Variants in SORCS3 observed in about 807,000 individuals in gnomAD.
SORCS3 encodes VPS10 domain-containing receptor SorCS3.
In SORCS3, 57 loss-of-function variants were observed where a neutral mutation model predicts 146.3. The ratio of observed to expected loss-of-function variants is 0.39; its 90% CI spans 0.31 to 0.49. The LOEUF (loss-of-function observed/expected upper bound fraction) is 0.49, where lower values mean the gene tolerates loss of function less well. Ranked by LOEUF, SORCS3 falls within the 20% of genes least tolerant of loss-of-function variation. The probability of loss-of-function intolerance (pLI) is 0.92; values close to 1 mark genes in which losing one functional copy is unlikely to be tolerated. For synonymous variants in SORCS3, 653 were observed against 618.5 expected, an observed-to-expected ratio of 1.06 and a Z score of -0.83; for missense variants, 1,341 against 1,575.5, an observed-to-expected ratio of 0.85 and a Z score of 2.52.
intron 19 of SORCS3, among the ~76,000 whole-genome samples, chr10:105,217,341 C>G (rs533743267): frequency 1.3e-5 from 2 of 152,150 alleles, no homozygotes; most frequent in Non-Finnish European, 2.9e-5. Context: ...CCACCTGGGC[C>G]GTCCTTTTCA....
intron 5 of SORCS3, among the ~76,000 whole-genome samples, chr10:105,076,096 G>A (rs3948019): frequency 0.022 from 3,278 of 152,224 alleles, 58 homozygotes; most frequent in Middle Eastern, 0.048. Flanking sequence ...ATGTGTTCTT[G>A]CATCATTTCA....
At chr10:104,693,035 G>A (rs1020831544) in intron 1 of SORCS3, among the ~76,000 whole-genome samples, 1 of 152,210 alleles carries the variant, frequency 6.6e-6, no homozygotes, top group African/African-American at 2.4e-5. Flanking sequence ...GTCTACCCCA[G>A]GGGCATTCCT....
intron 3 of SORCS3, among the ~76,000 whole-genome samples, chr10:104,975,089 G>A (rs2054886990): frequency 6.6e-6 from 1 of 152,036 alleles, no homozygotes; most frequent in Non-Finnish European, 1.5e-5. Context: ...GAAATAAAGG[G>A]TATTCAATTA....
chr10:105,251,264 C>T (rs1189450686), intron 22 of SORCS3, among the ~76,000 whole-genome samples: 1 of 152,134 alleles, frequency 6.6e-6, no homozygotes. Context: ...GGAAAGGCCC[C>T]TTATAAAACC....
In SORCS3 at chr10:104,934,983, T is replaced by C. The variant is rs542276299; in HGVS notation, c.795+19051T>C. 7.6e-4 allele frequency among the ~76,000 whole-genome samples: 115 copies of C among 152,274 alleles called. 1 individual carries two copies. Among genetic ancestry groups the C allele is most frequent in the African/African-American group, 2.7e-3 (113 of 41,560 alleles). On this transcript the variant is annotated intron_variant, in intron 3 of 26. Coordinates refer to ENST00000369701, the MANE Select transcript of SORCS3 (RefSeq NM_014978.3). ...AGCAGCAGAACATTCAGTTGGTCCATGAGTGTTTTCTAAATGTCAGTGGGG... is the reference window on the plus strand; with the variant it reads ...AGCAGCAGAACATTCAGTTGGTCCACGAGTGTTTTCTAAATGTCAGTGGGG...
chr10:104,757,745 A>G (rs1217967151), intron 1 of SORCS3, among the ~76,000 whole-genome samples: 1 of 151,204 alleles, frequency 6.6e-6, no homozygotes, highest in Non-Finnish European at 1.5e-5. Flanking sequence ...TTCTGAAGAG[A>G]TTTCTGTTCT....
At chr10:104,932,407 G>T (rs1166286714) in intron 3 of SORCS3, among the ~76,000 whole-genome samples, 4 of 152,244 alleles carry the variant, frequency 2.6e-5, no homozygotes, top group African/African-American at 9.6e-5. Context: ...TGGAAGTGAG[G>T]GAGAAAGAAG....
At chr10:104,993,502 GA>G (rs2055006497) in intron 4 of SORCS3, among the ~76,000 whole-genome samples, 2 of 152,192 alleles carry the variant, frequency 1.3e-5, no homozygotes, top group African/African-American at 4.8e-5. Flanking sequence ...GCTAGGGAAT[GA>G]ATGAGGGGAA....
At chr10:105,196,925 C>T (rs1293803742) in intron 14 of SORCS3, among the ~76,000 whole-genome samples, 1 of 152,162 alleles carries the variant, frequency 6.6e-6, no homozygotes, top group Non-Finnish European at 1.5e-5. Context: ...GGCCTCTACT[C>T]CCCTGGGGCT....
chr10:104,859,259 T>C (rs895629503), intron 2 of SORCS3, among the ~76,000 whole-genome samples: 2 of 152,128 alleles, frequency 1.3e-5, no homozygotes, highest in Admixed American at 6.5e-5. Flanking sequence ...TCAGAAATAA[T>C]GCCGCATATC....
Position 105,101,289 on chromosome 10 carries a change from A to G in SORCS3, c.1094-4108A>G, listed in dbSNP as rs527881360. 3.6e-4 allele frequency among the ~76,000 whole-genome samples: 55 copies of G among 152,052 alleles called. 1 individual carries two copies. Among genetic ancestry groups the G allele is most frequent in the South Asian group, 1.3e-3 (6 of 4,798 alleles). ...TTGAACGAAATGATATTCCCTGCTC[A>G]CCCTTGACAGCCACAGTTCCTCCAC... On this transcript the variant is annotated intron_variant, in intron 6 of 26. Coordinates refer to ENST00000369701, the MANE Select transcript of SORCS3 (RefSeq NM_014978.3).
At chr10:105,133,923 A>G (rs535418793) in intron 7 of SORCS3, among the ~76,000 whole-genome samples, 24 of 152,298 alleles carry the variant, frequency 1.6e-4, no homozygotes, top group African/African-American at 5.8e-4. Flanking sequence ...GTACCACTGC[A>G]CTCTAGCCTG....
chr10:104,714,901 C>G (rs2016458578), intron 1 of SORCS3, among the ~76,000 whole-genome samples: 1 of 152,118 alleles, frequency 6.6e-6, no homozygotes, highest in African/African-American at 2.4e-5. Flanking sequence ...GCAACCAAGT[C>G]ACAGGCATTA....
chr10:104,716,708 C>G (rs910813049), intron 1 of SORCS3, among the ~76,000 whole-genome samples: 1 of 152,178 alleles, frequency 6.6e-6, no homozygotes, highest in Non-Finnish European at 1.5e-5. Context: ...TCCTCCAGGA[C>G]CTTTAAGATC....
chr10:105,258,711 TATACACTTTAATA>T (rs771728152), intron 25 of SORCS3, among the ~76,000 whole-genome samples: 6 of 152,222 alleles, frequency 3.9e-5, no homozygotes, highest in Non-Finnish European at 7.3e-5. Flanking sequence ...TCTTTAGATG[TATACACTTTAATA>T]ATGAATCCAT....
At chr10:105,060,942 CAA>C (rs143519909) in intron 5 of SORCS3, among the ~76,000 whole-genome samples, 1 of 136,438 alleles carries the variant, frequency 7.3e-6, no homozygotes, top group Non-Finnish European at 1.6e-5. Context: ...CGTCTTAAAA[CAA>C]AAAAAAAAAA....
intron 7 of SORCS3, among the ~76,000 whole-genome samples, chr10:105,112,711 G>A (rs533877053): frequency 6.6e-6 from 1 of 152,252 alleles, no homozygotes; most frequent in South Asian, 2.1e-4. Context: ...GGACATTGAG[G>A]ATTGTGCATT....
At chr10:104,842,685 T>G in intron 1 of SORCS3, 107 bp from the exon 2 acceptor site, 1 of 834,462 alleles carries the variant, frequency 1.2e-6, no homozygotes. Context: ...TAAGCCCTCC[T>G]CTGGGTGATA....
intron 1 of SORCS3, among the ~76,000 whole-genome samples, chr10:104,643,043 C>T (rs1274063782): frequency 6.6e-6 from 1 of 152,264 alleles, no homozygotes; most frequent in Admixed American, 6.5e-5. Context: ...CCCGACTTCC[C>T]TCCCTCCCGC....
Sources: allele counts gnomAD v4.1 joint callset (sites outside exome capture counted in the v4.1 genomes callset), GRCh38; gene constraint gnomAD v4.1.1; transcripts MANE v1.5; gene names NCBI Gene and HGNC (gene_info 2026-07-23, HGNC 2026-07-21).